The following NRROS variants were observed in gnomAD, a reference collection of about 807,000 sequenced individuals.
The protein encoded by NRROS is transforming growth factor beta activator LRRC33.
NRROS carries 6 observed loss-of-function variants against 12.0 expected under a neutral mutation model. The ratio of observed to expected loss-of-function variants is 0.50; its 90% CI spans 0.27 to 0.98. The LOEUF is 0.98. Ranked by LOEUF, NRROS falls within the 50% of genes least tolerant of loss-of-function variation. The pLI is 0.11. For missense variants in NRROS, 857 were observed against 888.2 expected (o/e 0.96, Z 0.45); for synonymous variants, 462 against 410.2 (o/e 1.13, Z -1.53).
chr3:196,653,711 C>T (rs918444568), intron 1 of NRROS, among the ~76,000 whole-genome samples: 4 of 152,232 alleles, frequency 2.6e-5, no homozygotes, highest in African/African-American at 9.6e-5. Context: ...CATCCACAAC[C>T]TCGAGTAGTA....
At chr3:196,650,729 C>T (rs756714883) in intron 1 of NRROS, among the ~76,000 whole-genome samples, 1 of 152,186 alleles carries the variant, frequency 6.6e-6, no homozygotes, top group Non-Finnish European at 1.5e-5. Context: ...CTTACTATGA[C>T]CAGGTCTGGA....
chr3:196,651,530 G>A (rs192931691), intron 1 of NRROS, among the ~76,000 whole-genome samples: 2 of 152,276 alleles, frequency 1.3e-5, no homozygotes, highest in South Asian at 2.1e-4. Context: ...ACTTTGGGAG[G>A]TCAAGGCGGG....
At position 196,661,098 on chromosome 3, in the gene NRROS, C is replaced by A. The variant is rs756748818; in HGVS notation, c.1455C>A (p.Thr485=). 2.5e-6 allele frequency: 4 copies of A among 1,614,028 alleles called. No individual in the cohort carries two copies. Among genetic ancestry groups the A allele is most frequent in the Non-Finnish European group, 2.5e-6 (3 of 1,180,020 alleles). Residue 485 remains threonine, a synonymous_variant, in exon 3 of 3, where the codon ACC becomes ACA. Transcript: ENST00000328557. Reference sequence around the variant, plus strand: ...TGCCAGACTGCCCATTCCAAGGGACCTCCCTGACCTACTTAGACCTCTCAA... The same window carrying A: ...TGCCAGACTGCCCATTCCAAGGGACATCCCTGACCTACTTAGACCTCTCAA... ...GALPDCPFQG[T]SLTYLDLSSN...
intron 1 of NRROS, among the ~76,000 whole-genome samples, chr3:196,640,583 G>A (rs1737187150): frequency 6.6e-6 from 1 of 151,736 alleles, no homozygotes; most frequent in African/African-American, 2.4e-5. Context: ...TAACAGGAGG[G>A]CGACGAAGAC....
At chr3:196,644,267 C>G (rs1312628675) in intron 1 of NRROS, among the ~76,000 whole-genome samples, 1 of 151,978 alleles carries the variant, frequency 6.6e-6, no homozygotes, top group Non-Finnish European at 1.5e-5. Context: ...TTCAGAATAT[C>G]AGGCACCGCA....
At chr3:196,642,285 C>CAAAA (rs71621281) in intron 1 of NRROS, among the ~76,000 whole-genome samples, 260 of 92,028 alleles carry the variant, frequency 2.8e-3, no homozygotes, top group African/African-American at 0.013. Context: ...TATGCTTCGG[C>CAAAA]AAAAAAGAAA....
At chr3:196,659,704 C>G (rs771034780) in intron 2 of NRROS, 48 bp from the exon 3 acceptor site, 1 of 1,553,686 alleles carries the variant, frequency 6.4e-7, no homozygotes, top group Non-Finnish European at 8.7e-7. Context: ...TGCATAAATG[C>G]TTGCCTCTGG....
At position 196,660,876 on chromosome 3, in the gene NRROS, C is replaced by T. The variant is rs1737658413; in HGVS notation, c.1233C>T (p.Ser411=). 6.2e-7 allele frequency: 1 copy of T among 1,614,054 alleles called. No homozygotes were observed. Among genetic ancestry groups the T allele is most frequent in the East Asian group, 2.2e-5 (1 of 44,878 alleles). The change falls in exon 3 of 3, where the codon TCC becomes TCT. Residue 411 remains serine, a synonymous_variant. Transcript: ENST00000328557. This position sits in a 1 kb window ranked among gnomAD's most constrained non-coding sequence, Gnocchi z 7.7. The part of the protein sequence containing the change: ...LGSLRLFNLS[S]NQLLGVPPGL... ...GCCTGCGCTTGTTCAACCTGAGCTC[C>T]AACCAGCTCCTGGGCGTCCCCCCTG...
At position 196,661,508 on chromosome 3, in the gene NRROS, A is replaced by G. The variant is rs774967313; in HGVS notation, c.1865A>G (p.Asn622Ser). The change falls in exon 3 of 3, where the codon AAC (asparagine) becomes AGC (serine). Residue 622 changes from asparagine to serine, a missense_variant. Coordinates refer to ENST00000328557, the MANE Select transcript of NRROS (RefSeq NM_198565.3). ...TVADWAMVTC[N>S]LSSKIIRVTE... ...GCCGACTGGGCCATGGTCACCTGCA[A>G]CCTCTCCTCCAAGATCATCCGCGTG... 1 of 1,612,374 alleles carries G rather than the reference A, an allele frequency of 6.2e-7. No individual in the cohort carries two copies. The highest frequency in any genetic ancestry group is 8.5e-7 in the Non-Finnish European group (1 of 1,178,792).
intron 1 of NRROS, among the ~76,000 whole-genome samples, chr3:196,646,600 C>T (rs763568676): frequency 1.3e-5 from 2 of 152,204 alleles, no homozygotes; most frequent in African/African-American, 2.4e-5. Flanking sequence ...TTGGCTTATT[C>T]GTGGCCCTAA....
chr3:196,651,858 T>C (rs1737435663), intron 1 of NRROS, among the ~76,000 whole-genome samples: 2 of 152,280 alleles, frequency 1.3e-5, no homozygotes, highest in South Asian at 4.1e-4. Context: ...GATGTCTCTG[T>C]CCAAGGCAGA....
intron 2 of NRROS, 96 bp from the exon 3 acceptor site, chr3:196,659,656 G>A (rs181361747): frequency 8.8e-5 from 109 of 1,234,250 alleles, no homozygotes; most frequent in Admixed American, 3.6e-4. Flanking sequence ...CATCCCCGGC[G>A]GTTGCAGGGA....
At chr3:196,647,301 G>A (rs1737330863) in intron 1 of NRROS, among the ~76,000 whole-genome samples, 1 of 152,136 alleles carries the variant, frequency 6.6e-6, no homozygotes, top group Non-Finnish European at 1.5e-5. Context: ...CCAATTTTCT[G>A]TTCTACCTGC....
At chr3:196,645,516 G>A (rs1419040350) in intron 1 of NRROS, among the ~76,000 whole-genome samples, 1 of 152,128 alleles carries the variant, frequency 6.6e-6, no homozygotes, top group Non-Finnish European at 1.5e-5. Flanking sequence ...TAAAGTACCC[G>A]GTATAGCCCG....
In NRROS at chr3:196,660,476, T is replaced by G; in HGVS notation, c.833T>G (p.Leu278Arg). 1 of 1,614,124 alleles carries G rather than the reference T, an allele frequency of 6.2e-7. No homozygotes were observed. The highest frequency in any genetic ancestry group is 8.5e-7 in the Non-Finnish European group (1 of 1,180,024). ...LPQYSKLRTL[L>R]LRDNNMGFYR... ...CAGTACAGCAAGTTGCGGACCCTCC[T>G]GCTGCGCGACAACAACATGGGCTTC... Residue 278 changes from leucine (L) to arginine (R), a missense_variant, in exon 3 of 3, where the codon CTG (leucine) becomes CGG (arginine). Leu to Arg is a moderately radical substitution (Grantham distance 102). Coordinates refer to ENST00000328557, the MANE Select transcript of NRROS (RefSeq NM_198565.3). The surrounding 1 kb of genome is among the most constrained non-coding windows in gnomAD (Gnocchi z 7.7).
intron 1 of NRROS, among the ~76,000 whole-genome samples, chr3:196,653,994 G>C (rs1033792456): frequency 1.3e-5 from 2 of 152,180 alleles, no homozygotes; most frequent in African/African-American, 4.8e-5. Context: ...AGTCAAATGA[G>C]TGAACCAAAG....
chr3:196,648,794 C>T (rs963827133), intron 1 of NRROS, among the ~76,000 whole-genome samples: 3 of 120,026 alleles, frequency 2.5e-5, no homozygotes, highest in African/African-American at 6.8e-5. Context: ...AAAAAAATTC[C>T]AACATCCACT....
intron 1 of NRROS, among the ~76,000 whole-genome samples, chr3:196,640,128 T>C (rs1332968892): frequency 6.6e-6 from 1 of 152,206 alleles, no homozygotes; most frequent in African/African-American, 2.4e-5. Flanking sequence ...TGCGACGTAG[T>C]GGAAACCACG....
Position 196,652,190 on chromosome 3 carries a change from A to G in NRROS, c.-13-2337A>G, listed in dbSNP as rs1298535627. ...CTTCCTGCATATGTTTTACATATCT[A>G]GTTGGTATAATTCATCCTTCCAGCC... On this transcript the variant is annotated intron_variant, in intron 1 of 2. Coordinates refer to ENST00000328557, the MANE Select transcript of NRROS (RefSeq NM_198565.3). Among the ~76,000 whole-genome samples the G allele has an allele frequency of 4.6e-5, 7 of 152,312 alleles. 1 individual carries two copies. Among genetic ancestry groups the G allele is most frequent in the Admixed American group, 2.6e-4 (4 of 15,298 alleles).
Sources: gnomAD v4.1 joint callset for allele counts (sites outside exome capture counted in the v4.1 genomes callset) on GRCh38, gnomAD v4.1.1 for gene constraint, Gnocchi (gnomAD v3.1) non-coding constraint, MANE v1.5 for transcripts, NCBI Gene and HGNC (gene_info 2026-07-23, HGNC 2026-07-21) for gene names.